The following HECTD4 variants were observed in gnomAD, a reference collection of about 807,000 sequenced individuals.
The protein encoded by HECTD4 is HECT domain E3 ubiquitin protein ligase 4.
A neutral mutation model predicts 471.5 loss-of-function variants in HECTD4; 114 were observed. That is an observed-to-expected ratio of 0.24 (90% CI 0.21 to 0.28). The LOEUF is 0.28. HECTD4 is among the 10% of genes least tolerant of loss of function. The pLI, the probability that HECTD4 is intolerant of heterozygous loss-of-function variation, is 1.00. For synonymous variants in HECTD4, 2,012 were observed against 2,256.0 expected, an observed-to-expected ratio of 0.89 and a Z score of 3.07; for missense variants, 3,866 against 5,651.5, an observed-to-expected ratio of 0.68 and a Z score of 10.13.
In HECTD4 at chr12:112,188,750, G is replaced by A. The variant is rs1301862635; in HGVS notation, c.9472+2036C>T. 6.6e-6 allele frequency among the ~76,000 whole-genome samples: 1 copy of A among 152,220 alleles called. No homozygotes were observed. The highest frequency in any genetic ancestry group is 2.4e-5 in the African/African-American group (1 of 41,464). On this transcript the variant is annotated intron_variant, in intron 60 of 75. Coordinates refer to ENST00000682272, the MANE Select transcript of HECTD4 (RefSeq NM_001388303.1). The surrounding 1 kb of genome is among the most constrained non-coding windows in gnomAD (Gnocchi z 4.2). ...CTCTCTCAGGACTGACACTGCTTGC[G>A]AATTCTGGTTGGAAACAAGTTTGTG...
chr12:112,298,790 G>A (rs1392193135), intron 7 of HECTD4, among the ~76,000 whole-genome samples: 1 of 151,488 alleles, frequency 6.6e-6, no homozygotes, highest in East Asian at 1.9e-4. Context: ...GCTGAGGCGG[G>A]AGAATCACTT....
chr12:112,338,114 G>A (rs2035991721), intron 1 of HECTD4, among the ~76,000 whole-genome samples: 1 of 152,142 alleles, frequency 6.6e-6, no homozygotes, highest in South Asian at 2.1e-4. Context: ...CTCCCTCCAG[G>A]GGCTCTAGTA....
chr12:112,226,489 G>A, intron 44 of HECTD4, 154 bp downstream of exon 44: 3 of 461,518 alleles, frequency 6.5e-6, no homozygotes, highest in Middle Eastern at 3.2e-4. Flanking sequence ...ACATTTCTAG[G>A]TCTGTGATGC....
chr12:112,215,847 G>T (rs1206985504), intron 48 of HECTD4, among the ~76,000 whole-genome samples: 12 of 152,086 alleles, frequency 7.9e-5, no homozygotes, highest in Admixed American at 7.2e-4. Flanking sequence ...TGCCCAGGGT[G>T]GTCTTGAACT....
In HECTD4 at chr12:112,319,811, T is replaced by C; in HGVS notation, c.178-69A>G. 1 of 1,129,948 alleles carries C rather than the reference T, an allele frequency of 8.8e-7. No homozygotes were observed. Among genetic ancestry groups the C allele is most frequent in the Non-Finnish European group, 1.1e-6 (1 of 893,272 alleles). The allele number at this position is 1,129,948 out of a possible 1,614,324, so 70.0% of individuals were successfully genotyped here. On this transcript the variant is annotated intron_variant, in intron 1 of 75. Transcript: ENST00000682272. This position sits in a 1 kb window ranked among gnomAD's most constrained non-coding sequence, Gnocchi z 5.3. ...CCAAAGTCATCTAAGGAAGAAAATA[T>C]GTTTAATGATATCCCAAAATAGTCA... is the stretch of plus-strand genomic sequence containing the variant.
At chr12:112,171,284 A>AGGCTGAGATCTCGGCCAGGT (rs748109091) in intron 67 of HECTD4, 21 bp from the exon 68 acceptor site, 129 of 1,587,764 alleles carry the variant, frequency 8.1e-5, no homozygotes, top group Middle Eastern at 1.8e-4. Context: ...AGGAGCAGTC[A>AGGCTGAGATCTCGGCCAGGT]GGCTGAGATC....
chr12:112,380,485 T>C (rs1336340768), intron 1 of HECTD4, among the ~76,000 whole-genome samples: 1 of 152,012 alleles, frequency 6.6e-6, no homozygotes, highest in Non-Finnish European at 1.5e-5. Flanking sequence ...GAGCATCCAC[T>C]TTCCACCTTT....
Position 112,212,609 on chromosome 12 carries a change from G to C in HECTD4, c.7507C>G (p.Pro2503Ala). ...TTGGCTGGCTGTCCCGGAGGAGGTG[G>C]AGTCCCCTCAGTTCTCTCCCAGCCA... Reference protein sequence around the residue: ...GIGWERTEGTPPPPGQPAKGR... With the variant: ...GIGWERTEGTAPPPGQPAKGR... Residue 2503 changes from proline to alanine, a missense_variant, in exon 49 of 76, where the codon CCA becomes GCA. Physicochemically the swap from Pro to Ala is conservative, Grantham distance 27. Transcript: ENST00000682272. The C allele has an allele frequency of 6.2e-7, 1 of 1,613,824 alleles. No individual in the cohort carries two copies. Among genetic ancestry groups the C allele is most frequent in the Non-Finnish European group, 8.5e-7 (1 of 1,179,876 alleles).
Position 112,226,626 on chromosome 12 carries a change from C to T in HECTD4, c.6970+17G>A. 6.5e-7 allele frequency: 1 copy of T among 1,530,696 alleles called. No individual in the cohort carries two copies. Among genetic ancestry groups the T allele is most frequent in the Non-Finnish European group, 9.0e-7 (1 of 1,113,074 alleles). 94.8% of individuals were successfully genotyped at this position (1,530,696 alleles called of 1,614,324 possible). ...AATTCAATAAAACAGGGTGGTAAGG[C>T]AAGTTCAGGTACTCACCAGCACTAC... On this transcript the variant is annotated intron_variant, in intron 44 of 75. Coordinates refer to ENST00000682272, the MANE Select transcript of HECTD4 (RefSeq NM_001388303.1).
At chr12:112,259,673 CT>C (rs1769961966) in intron 18 of HECTD4, among the ~76,000 whole-genome samples, 1 of 152,088 alleles carries the variant, frequency 6.6e-6, no homozygotes. Context: ...GTATGAACTA[CT>C]TAGGTTCTAG....
chr12:112,210,465 T>G (rs2032729750), intron 49 of HECTD4, among the ~76,000 whole-genome samples: 1 of 152,172 alleles, frequency 6.6e-6, no homozygotes. Context: ...CACCTCACAC[T>G]CTCATGTACT....
intron 7 of HECTD4, among the ~76,000 whole-genome samples, chr12:112,285,960 A>G (rs1021746451): frequency 3.3e-5 from 5 of 152,210 alleles, no homozygotes; most frequent in African/African-American, 9.7e-5. Context: ...ATAAAAATCA[A>G]TCACTTTAAG....
intron 8 of HECTD4, among the ~76,000 whole-genome samples, chr12:112,280,605 G>C (rs1407253484): frequency 6.6e-6 from 1 of 151,336 alleles, no homozygotes; most frequent in East Asian, 1.9e-4. Context: ...CCCCCACCAA[G>C]TATATTCTTC....
At chr12:112,222,085 G>A (rs901665808) in intron 44 of HECTD4, among the ~76,000 whole-genome samples, 1 of 151,942 alleles carries the variant, frequency 6.6e-6, no homozygotes, top group Non-Finnish European at 1.5e-5. Flanking sequence ...CACCACACCC[G>A]GCTAATTTTT....
intron 22 of HECTD4, among the ~76,000 whole-genome samples, chr12:112,252,810 ATTTT>A (rs199504908): frequency 7.1e-6 from 1 of 140,970 alleles, no homozygotes. Context: ...CTTGAAAATA[ATTTT>A]TTTTTTTTTT....
At chr12:112,367,361 G>T (rs11066276) in intron 1 of HECTD4, among the ~76,000 whole-genome samples, 31,699 of 150,394 alleles carry the variant, frequency 0.21, 5,439 homozygotes, top group East Asian at 0.85. Flanking sequence ...CAAAACAAAA[G>T]GCTGAATTTC....
At chr12:112,168,247 C>G (rs1292494067) in intron 70 of HECTD4, among the ~76,000 whole-genome samples, 1 of 152,248 alleles carries the variant, frequency 6.6e-6, no homozygotes, top group Non-Finnish European at 1.5e-5. Context: ...CAGGCAACCT[C>G]TCACAGCTGC....
At chr12:112,291,135 A>G (rs1173709726) in intron 7 of HECTD4, among the ~76,000 whole-genome samples, 3 of 152,120 alleles carry the variant, frequency 2.0e-5, no homozygotes, top group African/African-American at 7.2e-5. Flanking sequence ...TAATACTAAA[A>G]TATACACAAA....
At chr12:112,340,384 T>C (rs1048130801) in intron 1 of HECTD4, among the ~76,000 whole-genome samples, 1 of 151,984 alleles carries the variant, frequency 6.6e-6, no homozygotes, top group Non-Finnish European at 1.5e-5. Flanking sequence ...GATGCTGCAA[T>C]CAGCTCTGCC....
Sources: gnomAD v4.1 joint callset for allele counts (sites outside exome capture counted in the v4.1 genomes callset) on GRCh38, gnomAD v4.1.1 for gene constraint, Gnocchi (gnomAD v3.1) non-coding constraint, MANE v1.5 for transcripts, NCBI Gene and HGNC (gene_info 2026-07-23, HGNC 2026-07-21) for gene names.